ADARB2: variants seen among roughly 807,000 people sequenced by gnomAD.
ADARB2 encodes the protein adenosine deaminase RNA specific B2 (inactive), also known as inactive double-stranded RNA-specific editase B2.
Under a neutral mutation model 62.2 loss-of-function variants are expected in ADARB2, and 25 were observed. That is an observed-to-expected ratio of 0.40 (90% CI 0.29 to 0.56). ADARB2 has a LOEUF of 0.56. Among genes scored for constraint, ADARB2 ranks in the 20% least tolerant of loss-of-function variants. The pLI, the probability that ADARB2 is intolerant of heterozygous loss-of-function variation, is 0.43. For synonymous variants in ADARB2, 572 were observed against 500.8 expected (o/e 1.14, Z -1.90); for missense variants, 1,071 against 1,077.4 (o/e 0.99, Z 0.08).
At chr10:1,304,881 G>C (rs1301131554) in intron 3 of ADARB2, among the ~76,000 whole-genome samples, 1 of 145,730 alleles carries the variant, frequency 6.9e-6, no homozygotes, top group Non-Finnish European at 1.5e-5. Flanking sequence ...AAAGCAGTGT[G>C]TAGAGGGAAA....
chr10:1,413,424 T>C (rs1832775595), intron 1 of ADARB2, among the ~76,000 whole-genome samples: 1 of 152,132 alleles, frequency 6.6e-6, no homozygotes, highest in Non-Finnish European at 1.5e-5. Context: ...CGGTCTTGAA[T>C]TCACACAAAA....
intron 1 of ADARB2, among the ~76,000 whole-genome samples, chr10:1,698,666 G>A (rs1834779382): frequency 6.6e-6 from 1 of 152,184 alleles, no homozygotes; most frequent in Non-Finnish European, 1.5e-5. Flanking sequence ...TAAAAGGGTA[G>A]TTAAAGGTGG....
chr10:1,590,574 T>G (rs994691906), intron 1 of ADARB2, among the ~76,000 whole-genome samples: 1 of 152,232 alleles, frequency 6.6e-6, no homozygotes, highest in Non-Finnish European at 1.5e-5. Context: ...GGTTCCCCTC[T>G]GGCCGTTAGA....
chr10:1,372,748 T>C (rs1832384170), intron 2 of ADARB2, among the ~76,000 whole-genome samples: 1 of 152,232 alleles, frequency 6.6e-6, no homozygotes, highest in Non-Finnish European at 1.5e-5. Flanking sequence ...GGTGATTCCT[T>C]TAGTCCACTC....
At chr10:1,660,544 C>A (rs1834233102) in intron 1 of ADARB2, among the ~76,000 whole-genome samples, 1 of 152,080 alleles carries the variant, frequency 6.6e-6, no homozygotes, top group Admixed American at 6.5e-5. Context: ...GGCTCCAGAG[C>A]CCCTGGGATT....
At chr10:1,349,764 C>T (rs1832116853) in intron 3 of ADARB2, among the ~76,000 whole-genome samples, 2 of 152,186 alleles carry the variant, frequency 1.3e-5, no homozygotes, top group South Asian at 4.2e-4. Context: ...CTTGGGAAGG[C>T]AGCCTTCCCT....
In ADARB2 at chr10:1,182,835, G is replaced by A. The variant is rs1266837999; in HGVS notation, c.*358C>T. The A allele has an allele frequency of 9.5e-6, 2 of 209,562 alleles. No individual in the cohort carries two copies. Among genetic ancestry groups the A allele is most frequent in the East Asian group, 2.6e-4 (2 of 7,830 alleles). The allele number at this position is 209,562 out of a possible 1,614,324, so 13.0% of individuals were successfully genotyped here. On this transcript the variant is annotated 3_prime_UTR_variant, in exon 10 of 10. Transcript: ENST00000381312. Reference sequence around the variant, plus strand: ...AGGCGCACGCAGGGGTGGGGTGCAGGGACGGGGCCTGAGGCTCACTCCTGC... The same window carrying A: ...AGGCGCACGCAGGGGTGGGGTGCAGAGACGGGGCCTGAGGCTCACTCCTGC...
chr10:1,477,862 C>G lies in ADARB2; in HGVS notation c.101-98702G>C, dbSNP rs568279398. Among the ~76,000 whole-genome samples, 1 of 152,210 alleles carries G rather than the reference C, an allele frequency of 6.6e-6. No homozygotes were observed. The highest frequency in any genetic ancestry group is 2.4e-5 in the African/African-American group (1 of 41,458). ...GTGGCGGGCAGGTGCCTCCCCAGAA[C>G]GCTTCTCACAGGTGCACTGGGAGGT... On this transcript the variant is annotated intron_variant, in intron 1 of 9. Transcript: ENST00000381312. This position sits in a 1 kb window ranked among gnomAD's most constrained non-coding sequence, Gnocchi z 4.5.
chr10:1,403,245 C>T (rs1478403394), intron 1 of ADARB2, among the ~76,000 whole-genome samples: 1 of 152,228 alleles, frequency 6.6e-6, no homozygotes, highest in Non-Finnish European at 1.5e-5. Context: ...ACACTTGCAA[C>T]CAAAGAGGTC....
At chr10:1,648,438 C>T (rs1834071871) in intron 1 of ADARB2, among the ~76,000 whole-genome samples, 1 of 152,126 alleles carries the variant, frequency 6.6e-6, no homozygotes, top group South Asian at 2.1e-4. Flanking sequence ...GGCTCAACTG[C>T]TTGTTTTAAA....
At chr10:1,302,889 A>G (rs1314152728) in intron 3 of ADARB2, among the ~76,000 whole-genome samples, 1 of 152,074 alleles carries the variant, frequency 6.6e-6, no homozygotes, top group Non-Finnish European at 1.5e-5. Flanking sequence ...CATCACCATC[A>G]TCAAAGACCA....
chr10:1,303,513 G>A (rs1444806865), intron 3 of ADARB2, among the ~76,000 whole-genome samples: 21 of 152,136 alleles, frequency 1.4e-4, no homozygotes, highest in South Asian at 8.3e-4. Flanking sequence ...GTTCAGATTC[G>A]GGAAATACAG....
At chr10:1,450,333 C>T (rs765350460) in intron 1 of ADARB2, among the ~76,000 whole-genome samples, 15 of 152,256 alleles carry the variant, frequency 9.9e-5, no homozygotes, top group Admixed American at 2.6e-4. Flanking sequence ...CTGTCCACTT[C>T]GTTTCCTGCT....
At chr10:1,472,429 G>A (rs530129459) in intron 1 of ADARB2, among the ~76,000 whole-genome samples, 8 of 151,900 alleles carry the variant, frequency 5.3e-5, no homozygotes, top group African/African-American at 1.9e-4. Context: ...CCATAGGGGC[G>A]AGTGCCATGC....
intron 1 of ADARB2, among the ~76,000 whole-genome samples, chr10:1,521,225 C>T (rs1314644603): frequency 2.0e-5 from 3 of 152,122 alleles, no homozygotes; most frequent in Non-Finnish European, 4.4e-5. Flanking sequence ...CATTACTCCC[C>T]CAACCATAGA....
intron 3 of ADARB2, among the ~76,000 whole-genome samples, chr10:1,351,713 A>T (rs1316880897): frequency 3.3e-5 from 5 of 151,950 alleles, no homozygotes; most frequent in African/African-American, 1.2e-4. Context: ...ACCCCACTCA[A>T]TGCCAATATC....
chr10:1,295,449 T>A (rs1831514475), intron 3 of ADARB2, among the ~76,000 whole-genome samples: 1 of 152,176 alleles, frequency 6.6e-6, no homozygotes, highest in South Asian at 2.1e-4. Context: ...AACATAACAA[T>A]TTCACCAGGA....
intron 1 of ADARB2, among the ~76,000 whole-genome samples, chr10:1,526,235 G>A (rs1281269171): frequency 6.6e-6 from 1 of 151,824 alleles, no homozygotes; most frequent in East Asian, 1.9e-4. Flanking sequence ...GGTGGGGCAG[G>A]TGGGGCAGAT....
chr10:1,645,153 A>C (rs969341710), intron 1 of ADARB2, among the ~76,000 whole-genome samples: 4 of 152,206 alleles, frequency 2.6e-5, no homozygotes, highest in African/African-American at 9.6e-5. Context: ...GCGATGTGGG[A>C]TGACACAGGG....
Sources: gnomAD v4.1 joint callset for allele counts (sites outside exome capture counted in the v4.1 genomes callset) on GRCh38, gnomAD v4.1.1 for gene constraint, Gnocchi (gnomAD v3.1) non-coding constraint, MANE v1.5 for transcripts, NCBI Gene and HGNC (gene_info 2026-07-23, HGNC 2026-07-21) for gene names.